The following MTUS1 variants were observed in gnomAD, a reference collection of about 807,000 sequenced individuals.
The protein encoded by MTUS1 is microtubule associated scaffold protein 1, also known as microtubule-associated tumor suppressor 1.
A neutral mutation model predicts 120.8 loss-of-function variants in MTUS1; 109 were observed. The ratio of observed to expected loss-of-function variants is 0.90; its 90% CI spans 0.77 to 1.06. The LOEUF is 1.06. Among genes scored for constraint, MTUS1 ranks in the 50% least tolerant of loss-of-function variants. MTUS1 has a pLI of 0.00. For missense variants in MTUS1, 2,210 were observed against 1,486.3 expected (o/e 1.49, Z -8.01); for synonymous variants, 737 against 550.5 (o/e 1.34, Z -4.74).
chr8:17,707,418 A>G (rs1820390929), intron 6 of MTUS1, among the ~76,000 whole-genome samples: 1 of 152,182 alleles, frequency 6.6e-6, no homozygotes, highest in Non-Finnish European at 1.5e-5. Flanking sequence ...AGTCATGATA[A>G]TAACTAACCA....
At chr8:17,778,603 G>C (rs926272278) in intron 1 of MTUS1, among the ~76,000 whole-genome samples, 11 of 151,744 alleles carry the variant, frequency 7.2e-5, no homozygotes, top group Non-Finnish European at 1.5e-4. Context: ...GATCCCTTGA[G>C]CCCAGGAGTT....
intron 7 of MTUS1, among the ~76,000 whole-genome samples, chr8:17,677,974 A>G (rs7010721): frequency 0.14 from 21,711 of 152,230 alleles, 1,615 homozygotes; most frequent in South Asian, 0.19. Context: ...CATGGGGCCT[A>G]CCTAGAACTA....
intron 1 of MTUS1, among the ~76,000 whole-genome samples, chr8:17,777,035 C>G (rs1223984083): frequency 6.6e-6 from 1 of 152,116 alleles, no homozygotes; most frequent in Non-Finnish European, 1.5e-5. Flanking sequence ...CACAGCCCCT[C>G]CTACTCACTG....
At chr8:17,769,492 C>A (rs1046995205) in intron 1 of MTUS1, among the ~76,000 whole-genome samples, 4 of 150,836 alleles carry the variant, frequency 2.7e-5, no homozygotes, top group Non-Finnish European at 4.4e-5. Flanking sequence ...GGACTACAGG[C>A]GCCCGCCACC....
rs188872312 is a variant in MTUS1, at chr8:17,788,480, T to C, written c.-155+12581A>G. ...TTACTCAGAATTTCATGTTTTACTGTTACATCCTGAACATATTCATCTAGA... is the reference window on the plus strand; with the variant it reads ...TTACTCAGAATTTCATGTTTTACTGCTACATCCTGAACATATTCATCTAGA... On this transcript the variant is annotated intron_variant, in intron 1 of 14. Coordinates refer to ENST00000693296, the MANE Select transcript of MTUS1 (RefSeq NM_001363059.2). Among the ~76,000 whole-genome samples, 6 of 152,294 alleles carry C rather than the reference T, an allele frequency of 3.9e-5. No individual in the cohort carries two copies. In the East Asian group the frequency reaches 1.2e-3, roughly 29 times the overall value.
chr8:17,726,468 A>C lies in MTUS1; in HGVS notation c.2288-2635T>G, dbSNP rs188581779. Among the ~76,000 whole-genome samples, 3 of 152,194 alleles carry C rather than the reference A, an allele frequency of 2.0e-5. No homozygotes were observed. The East Asian group carries it at 5.8e-4, about 29-fold the overall frequency. On this transcript the variant is annotated intron_variant, in intron 3 of 14. Transcript: ENST00000693296. ...AATTCTGGTCCTCAGGAACTGGCAAAGGTCTAGCATGGAGTGAGACTTAAT... is the reference window on the plus strand; with the variant it reads ...AATTCTGGTCCTCAGGAACTGGCAACGGTCTAGCATGGAGTGAGACTTAAT...
At chr8:17,749,210 T>C (rs1336940452) in intron 2 of MTUS1, among the ~76,000 whole-genome samples, 1 of 152,180 alleles carries the variant, frequency 6.6e-6, no homozygotes, top group African/African-American at 2.4e-5. Context: ...CTTTTAAGTC[T>C]GATAAGCAAC....
At chr8:17,647,368 CCT>C in intron 13 of MTUS1, 1 of 279,644 alleles carries the variant, frequency 3.6e-6, no homozygotes. Context: ...AGAATTGGTG[CCT>C]CTTTCTGTTT....
At chr8:17,664,469 T>C (rs1173711775) in intron 8 of MTUS1, among the ~76,000 whole-genome samples, 1 of 114,562 alleles carries the variant, frequency 8.7e-6, no homozygotes, top group Non-Finnish European at 1.8e-5. Flanking sequence ...CACCCCGAAA[T>C]CCCCCTCTCT....
chr8:17,684,394 C>G lies in MTUS1; in HGVS notation c.2772G>C (p.Gln924His), dbSNP rs200869208. ...ACTTGGTATTACCACAGGCAAGAAGCTGCTTGAGCTGCAGGATAAATCCAC... is the reference window on the plus strand; with the variant it reads ...ACTTGGTATTACCACAGGCAAGAAGGTGCTTGAGCTGCAGGATAAATCCAC... ...NQSGFILQLK[Q>H]LLACGNTKFE... Residue 924 changes from glutamine to histidine, a missense_variant, in exon 7 of 15, where the codon CAG (glutamine) becomes CAC (histidine). Transcript: ENST00000693296. The G allele has an allele frequency of 1.1e-4, 176 of 1,614,190 alleles. No homozygotes were observed. The Admixed American group carries it at 2.7e-3, about 25-fold the overall frequency.
At chr8:17,766,191 G>A (rs2049473720) in intron 1 of MTUS1, among the ~76,000 whole-genome samples, 1 of 152,166 alleles carries the variant, frequency 6.6e-6, no homozygotes, top group Non-Finnish European at 1.5e-5. Flanking sequence ...AAAGCATACG[G>A]TATTAGCAAA....
chr8:17,693,487 T>A (rs1181617220), intron 6 of MTUS1: 1 of 152,258 alleles, frequency 6.6e-6, no homozygotes, highest in Admixed American at 6.5e-5. Context: ...AAGCTTATTC[T>A]GGCCGGATCT....
At chr8:17,665,571 G>T (rs1754999307) in intron 8 of MTUS1, among the ~76,000 whole-genome samples, 1 of 152,114 alleles carries the variant, frequency 6.6e-6, no homozygotes. Flanking sequence ...ATGTTGGCAA[G>T]GCTGGTCTCA....
At chr8:17,712,243 A>C (rs1821450727) in intron 6 of MTUS1, among the ~76,000 whole-genome samples, 1 of 152,120 alleles carries the variant, frequency 6.6e-6, no homozygotes, top group African/African-American at 2.4e-5. Flanking sequence ...TCTGCCATGG[A>C]TTTAGAAGGC....
At chr8:17,739,062 G>C (rs2047127765) in intron 3 of MTUS1, among the ~76,000 whole-genome samples, 1 of 152,084 alleles carries the variant, frequency 6.6e-6, no homozygotes, top group Non-Finnish European at 1.5e-5. Context: ...AGGATTTCTT[G>C]AGTCCAGGAA....
chr8:17,674,292 C>T (rs1015111681), intron 8 of MTUS1, among the ~76,000 whole-genome samples: 2 of 151,960 alleles, frequency 1.3e-5, no homozygotes, highest in Non-Finnish European at 2.9e-5. Context: ...TGGTGGTGTG[C>T]TCCTGTTGTC....
chr8:17,657,440 C>T (rs1386325122), intron 8 of MTUS1, among the ~76,000 whole-genome samples: 5 of 149,400 alleles, frequency 3.3e-5, no homozygotes, highest in East Asian at 2.0e-4. Flanking sequence ...TAGTGACGGG[C>T]GCCTGTAGTC....
intron 14 of MTUS1, among the ~76,000 whole-genome samples, chr8:17,646,664 C>T (rs1277047828): frequency 1.3e-5 from 2 of 152,150 alleles, no homozygotes; most frequent in Admixed American, 6.5e-5. Context: ...AAATATTCGA[C>T]ATGTTTTATG....
intron 3 of MTUS1, among the ~76,000 whole-genome samples, chr8:17,729,674 T>G (rs778689857): frequency 3.9e-5 from 6 of 152,180 alleles, no homozygotes; most frequent in Non-Finnish European, 5.9e-5. Flanking sequence ...GCTATTGCAA[T>G]CTGAACCTAC....
Sources: gnomAD v4.1 joint callset for allele counts (sites outside exome capture counted in the v4.1 genomes callset) on GRCh38, gnomAD v4.1.1 for gene constraint, MANE v1.5 for transcripts, NCBI Gene and HGNC (gene_info 2026-07-23, HGNC 2026-07-21) for gene names.